The following MGAT5B variants were observed in gnomAD, a reference collection of about 807,000 sequenced individuals.
MGAT5B encodes the protein N-acetylglucosaminyl-transferase Vb.
A neutral mutation model predicts 95.1 loss-of-function variants in MGAT5B; 54 were observed. The observed-to-expected ratio is 0.57, with a 90% CI of 0.46 to 0.71. MGAT5B has a LOEUF of 0.71. Among genes scored for constraint, MGAT5B ranks in the 30% least tolerant of loss-of-function variants. MGAT5B has a pLI of 0.00. For synonymous variants in MGAT5B, 464 were observed against 451.0 expected (o/e 1.03, Z -0.36); for missense variants, 935 against 1,088.6 (o/e 0.86, Z 1.99).
intron 2 of MGAT5B, among the ~76,000 whole-genome samples, chr17:76,879,067 G>GAT (rs1271536615): frequency 1.3e-5 from 2 of 152,168 alleles, no homozygotes; most frequent in African/African-American, 2.4e-5. Context: ...GACTTTCAGG[G>GAT]GCCTCTGCAG....
rs1471970991 is a variant in MGAT5B at position 76,868,589 on chromosome 17, G to A, written c.-441G>A. On this transcript the variant is annotated 5_prime_UTR_variant, in exon 1 of 18. Transcript: ENST00000569840. This position sits in a 1 kb window ranked among gnomAD's most constrained non-coding sequence, Gnocchi z 6.3. ...CGGGGCTGAGGATCGGCGCGGCCCG[G>A]AGGCGCTGGGGACCGGGGCGCGGGC... The A allele has an allele frequency of 6.8e-6, 1 of 147,518 alleles. No individual in the cohort carries two copies. The highest frequency in any genetic ancestry group is 1.5e-5 in the Non-Finnish European group (1 of 66,170). The allele number at this position is 147,518 out of a possible 1,614,324, so 9.1% of individuals were successfully genotyped here. A position where few individuals can be genotyped will look rare whatever the true frequency, so the allele number is the denominator to read the frequency against.
intron 3 of MGAT5B, among the ~76,000 whole-genome samples, chr17:76,892,895 A>G (rs1418750570): frequency 6.6e-6 from 1 of 152,172 alleles, no homozygotes; most frequent in Non-Finnish European, 1.5e-5. Context: ...CCCACCGTCA[A>G]TCACAGGGAA....
rs1171119753 is a variant in MGAT5B at position 76,940,788 on chromosome 17, A to G, written c.1788A>G (p.Thr596=). 2 of 1,614,174 alleles carry G rather than the reference A, an allele frequency of 1.2e-6. No individual in the cohort carries two copies. The highest frequency in any genetic ancestry group is 2.2e-5 in the East Asian group (1 of 44,890). The stretch of plus-strand genomic sequence containing the variant: ...TCATCGGCAAGCCCCACGTGTGGAC[A>G]GTCGACTACAACAACTCAGAGGAGT... The part of the protein sequence containing the change: ...ENFIGKPHVW[T]VDYNNSEEFE... The change falls in exon 15 of 18, where the codon ACA becomes ACG. Residue 596 remains threonine, a synonymous_variant. Transcript: ENST00000569840. This position sits in a 1 kb window ranked among gnomAD's most constrained non-coding sequence, Gnocchi z 4.3.
chr17:76,932,799 G>A (rs991980120), intron 11 of MGAT5B, 24 bp downstream of exon 11: 1 of 1,612,190 alleles, frequency 6.2e-7, no homozygotes, highest in Non-Finnish European at 8.5e-7. Context: ...CTGCGCGCGG[G>A]AAGCACCAGC....
intron 5 of MGAT5B, 98 bp from the exon 6 acceptor site, chr17:76,904,154 T>A: frequency 1.6e-6 from 2 of 1,271,466 alleles, no homozygotes; most frequent in South Asian, 1.5e-5. Context: ...ATGGGCCCCA[T>A]CCTTGACCTC....
rs138754386 is a variant in MGAT5B at position 76,916,023 on chromosome 17, G to A, written c.1026-8943G>A. On this transcript the variant is annotated intron_variant, in intron 8 of 17. Transcript: ENST00000569840. The surrounding 1 kb of genome is among the most constrained non-coding windows in gnomAD (Gnocchi z 5.3). ...GAGAGGGAGCAGGCGCCGGCATGCC[G>A]AGTGTGGCGGGGTCACGTTGAGTGC... Among the ~76,000 whole-genome samples, 179 of 152,346 alleles carry A rather than the reference G, an allele frequency of 1.2e-3. No homozygotes were observed. Among genetic ancestry groups the A allele is most frequent in the African/African-American group, 3.6e-3 (148 of 41,590 alleles).
At chr17:76,875,391 C>T (rs1318857098) in intron 2 of MGAT5B, among the ~76,000 whole-genome samples, 1 of 152,242 alleles carries the variant, frequency 6.6e-6, no homozygotes, top group African/African-American at 2.4e-5. Flanking sequence ...TTGCTCGGTA[C>T]TTCCCCTTCC....
At chr17:76,900,799 G>C (rs564770092) in intron 3 of MGAT5B, among the ~76,000 whole-genome samples, 1 of 152,332 alleles carries the variant, frequency 6.6e-6, no homozygotes, top group African/African-American at 2.4e-5. Context: ...AGAGTTTTAT[G>C]TTTGTTTGTT....
chr17:76,926,536 T>A, intron 9 of MGAT5B, 61 bp from the exon 10 acceptor site: 1 of 1,536,850 alleles, frequency 6.5e-7, no homozygotes, highest in East Asian at 2.3e-5. Context: ...CTGGGGCAAC[T>A]TCAGCCCAGG....
rs1415537379 is a variant in MGAT5B at position 76,940,154 on chromosome 17, C to T, written c.1585-248C>T. ...GACCATTGATAATACCTAATTAGAC[C>T]CCCTTATTTCACAAATGGGGAAACT... On this transcript the variant is annotated intron_variant, in intron 13 of 17. Coordinates refer to ENST00000569840, the MANE Select transcript of MGAT5B (RefSeq NM_001199172.2). This position sits in a 1 kb window ranked among gnomAD's most constrained non-coding sequence, Gnocchi z 4.3. Among the ~76,000 whole-genome samples the T allele has an allele frequency of 2.0e-5, 3 of 152,138 alleles. No individual in the cohort carries two copies. The highest frequency in any genetic ancestry group is 6.5e-5 in the Admixed American group (1 of 15,274).
rs376107200 is a variant in MGAT5B at position 76,908,424 on chromosome 17, G to A, written c.1025+2237G>A. Among the ~76,000 whole-genome samples the A allele has an allele frequency of 4.5e-4, 68 of 151,654 alleles. No individual in the cohort carries two copies. The South Asian group carries it at 0.011, about 26-fold the overall frequency. ...TGGGATTACAGGTGTACGCTACTAC[G>A]CCTGGCTAATTTCTGTATTTTTAGT... On this transcript the variant is annotated intron_variant, in intron 8 of 17. Coordinates refer to ENST00000569840, the MANE Select transcript of MGAT5B (RefSeq NM_001199172.2).
chr17:76,919,299 A>C (rs1312873485), intron 8 of MGAT5B, among the ~76,000 whole-genome samples: 1 of 152,152 alleles, frequency 6.6e-6, no homozygotes, highest in African/African-American at 2.4e-5. Context: ...TATATTGTTT[A>C]TGGCCAGCTG....
intron 3 of MGAT5B, among the ~76,000 whole-genome samples, chr17:76,898,502 T>A (rs1383272629): frequency 4.0e-5 from 6 of 151,744 alleles, no homozygotes; most frequent in Admixed American, 3.3e-4. Context: ...CTAATTTTTT[T>A]TTTTTGGCCA....
intron 3 of MGAT5B, among the ~76,000 whole-genome samples, chr17:76,884,093 G>A (rs905388784): frequency 1.3e-5 from 2 of 152,196 alleles, no homozygotes; most frequent in African/African-American, 4.8e-5. Flanking sequence ...AACACACTAA[G>A]CACCTGGCAT....
At chr17:76,943,383 A>G (rs1003932534) in intron 15 of MGAT5B, among the ~76,000 whole-genome samples, 1 of 151,936 alleles carries the variant, frequency 6.6e-6, no homozygotes, top group African/African-American at 2.4e-5. Context: ...ACCCCTCCGC[A>G]TAACAGCTCA....
chr17:76,929,955 C>T (rs1031388030), intron 10 of MGAT5B, among the ~76,000 whole-genome samples: 1 of 152,156 alleles, frequency 6.6e-6, no homozygotes, highest in African/African-American at 2.4e-5. Flanking sequence ...TCTTCAGCTT[C>T]AGAGAGTGGT....
Position 76,904,388 on chromosome 17 carries a change from C to A in MGAT5B, c.656C>A (p.Ala219Asp). 6.4e-7 allele frequency: 1 copy of A among 1,569,212 alleles called. No individual in the cohort carries two copies. The highest frequency in any genetic ancestry group is 8.6e-7 in the Non-Finnish European group (1 of 1,157,536). ...CTGCCCTGGAGGAACCAGACGGCTGCCCAGAGGGCACCCAAGCCCCTCCCC... is the reference window on the plus strand; with the variant it reads ...CTGCCCTGGAGGAACCAGACGGCTGACCAGAGGGCACCCAAGCCCCTCCCC... ...PPLPWRNQTA[A>D]QRAPKPLPKV... Residue 219 changes from alanine (A) to aspartate (D), a missense_variant, in exon 6 of 18, where the codon GCC becomes GAC. Around this residue, in one of 4 missense-constraint regions of MGAT5B, gnomAD observed 243 missense variants for 305.5 expected, o/e 0.80. Coordinates refer to ENST00000569840, the MANE Select transcript of MGAT5B (RefSeq NM_001199172.2).
At chr17:76,879,384 G>A (rs1480766433) in intron 2 of MGAT5B, among the ~76,000 whole-genome samples, 2 of 152,226 alleles carry the variant, frequency 1.3e-5, no homozygotes, top group Non-Finnish European at 2.9e-5. Context: ...TCTGTGGTCA[G>A]TCAGGCCTGA....
intron 10 of MGAT5B, among the ~76,000 whole-genome samples, chr17:76,928,026 G>T (rs1362038127): frequency 6.6e-6 from 1 of 152,130 alleles, no homozygotes; most frequent in East Asian, 1.9e-4. Flanking sequence ...TAGACTCTAG[G>T]CTATATTAGG....
Sources: gnomAD v4.1 joint callset for allele counts (sites outside exome capture counted in the v4.1 genomes callset) on GRCh38, gnomAD v4.1.1 for gene constraint, gnomAD v4.1.1 regional missense constraint, Gnocchi (gnomAD v3.1) non-coding constraint, MANE v1.5 for transcripts, NCBI Gene and HGNC (gene_info 2026-07-23, HGNC 2026-07-21) for gene names.